CNGB3: variants seen among roughly 807,000 people sequenced by gnomAD.
The protein encoded by CNGB3 is cyclic nucleotide-gated channel beta-3.
Under a neutral mutation model 92.8 loss-of-function variants are expected in CNGB3, and 86 were observed. The ratio of observed to expected loss-of-function variants is 0.93; its 90% CI spans 0.78 to 1.11. CNGB3 has a LOEUF of 1.11. Ranked by LOEUF, CNGB3 falls within the 50% of genes least tolerant of loss-of-function variation. The pLI is 0.00. For missense variants in CNGB3, 1,026 were observed against 956.8 expected (o/e 1.07, Z -0.95); for synonymous variants, 333 against 332.7 (o/e 1.00, Z -0.01).
Position 86,575,665 on chromosome 8 carries a change from T to C in CNGB3, c.*139A>G. 4.5e-6 allele frequency: 3 copies of C among 661,434 alleles called. No individual in the cohort carries two copies. The highest frequency in any genetic ancestry group is 7.8e-6 in the Non-Finnish European group (3 of 383,210). 41.0% of individuals were successfully genotyped at this position (661,434 alleles called of 1,614,324 possible). A position where few individuals can be genotyped will look rare whatever the true frequency, so the allele number is the denominator to read the frequency against. On this transcript the variant is annotated 3_prime_UTR_variant, in exon 18 of 18. Coordinates refer to ENST00000320005, the MANE Select transcript of CNGB3 (RefSeq NM_019098.5). ...GCATGAAATCACACTCTCAGATAAG[T>C]CCTAGAAACTAAGCTAGGGATTTGC...
chr8:86,697,481 G>A (rs748509448), intron 3 of CNGB3, among the ~76,000 whole-genome samples: 7 of 151,870 alleles, frequency 4.6e-5, no homozygotes, highest in Non-Finnish European at 7.4e-5. Context: ...AAATTCAGTG[G>A]GCACAATTGT....
rs996919492 is a variant in CNGB3, at chr8:86,657,965, T to A, written c.853-3903A>T. 7.2e-6 allele frequency: 4 copies of A among 554,552 alleles called. No individual in the cohort carries two copies. The Admixed American group carries it at 7.7e-5, about 11-fold the overall frequency. 34.4% of individuals were successfully genotyped at this position (554,552 alleles called of 1,614,324 possible). A position where few individuals can be genotyped will look rare whatever the true frequency, so the allele number is the denominator to read the frequency against. On this transcript the variant is annotated intron_variant, in intron 6 of 17. Transcript: ENST00000320005. ...GCCTCCCCCTCACTGATGACGTCTGTCTCTCCAGACAGCTGGATGCAGCGA... is the reference window on the plus strand; with the variant it reads ...GCCTCCCCCTCACTGATGACGTCTGACTCTCCAGACAGCTGGATGCAGCGA...
chr8:86,611,391 G>A (rs1242729939), intron 14 of CNGB3, among the ~76,000 whole-genome samples, 197 bp downstream of exon 14: 1 of 152,132 alleles, frequency 6.6e-6, no homozygotes, highest in East Asian at 1.9e-4. Context: ...TATAATATAA[G>A]TAATGAAATC....
chr8:86,731,338 T>C (rs193097199), intron 2 of CNGB3, among the ~76,000 whole-genome samples: 2 of 152,154 alleles, frequency 1.3e-5, no homozygotes, highest in Non-Finnish European at 2.9e-5. Context: ...TTGCATGGGG[T>C]CAAAACTAAG....
intron 2 of CNGB3, among the ~76,000 whole-genome samples, chr8:86,730,067 A>G (rs1459957254): frequency 6.6e-6 from 1 of 152,188 alleles, no homozygotes; most frequent in Non-Finnish European, 1.5e-5. Flanking sequence ...TGTGCAAAAA[A>G]TAAGTAGAGT....
At chr8:86,715,320 AG>A (rs1422933939) in intron 3 of CNGB3, among the ~76,000 whole-genome samples, 3 of 152,152 alleles carry the variant, frequency 2.0e-5, no homozygotes, top group African/African-American at 7.2e-5. Context: ...CCACTGGAGC[AG>A]GTTTTGGTAT....
chr8:86,689,083 A>G (rs1474152679), intron 3 of CNGB3, among the ~76,000 whole-genome samples: 2 of 150,990 alleles, frequency 1.3e-5, no homozygotes, highest in African/African-American at 2.4e-5. Context: ...CCATGTGTGT[A>G]TAGTTTCCTC....
intron 3 of CNGB3, among the ~76,000 whole-genome samples, chr8:86,716,127 G>T (rs1824848935): frequency 6.6e-6 from 1 of 152,052 alleles, no homozygotes. Flanking sequence ...GCAGGAGAAA[G>T]AACTTCAGAG....
chr8:86,593,914 G>A, intron 15 of CNGB3: 1 of 586,246 alleles, frequency 1.7e-6, no homozygotes, highest in South Asian at 1.6e-5. Flanking sequence ...CACCGCCTGT[G>A]TGCCAGGGGC....
intron 3 of CNGB3, among the ~76,000 whole-genome samples, chr8:86,672,575 T>C (rs1412723570): frequency 6.6e-6 from 1 of 152,124 alleles, no homozygotes; most frequent in East Asian, 1.9e-4. Flanking sequence ...GCTCCATCCA[T>C]ACTCTTCTCA....
At chr8:86,615,933 G>A (rs1822611743) in intron 13 of CNGB3, among the ~76,000 whole-genome samples, 1 of 152,116 alleles carries the variant, frequency 6.6e-6, no homozygotes, top group African/African-American at 2.4e-5. Context: ...GAAAATAAGT[G>A]TCTCCCTTTG....
chr8:86,576,957 C>T (rs57356706), intron 17 of CNGB3, among the ~76,000 whole-genome samples: 6,049 of 152,250 alleles, frequency 0.04, 397 homozygotes, highest in African/African-American at 0.14. Flanking sequence ...ATGTGACTGA[C>T]TTTATAATAT....
rs188248987 is a variant in CNGB3 at position 86,651,808 on chromosome 8, G to A, written c.903+2204C>T. Among the ~76,000 whole-genome samples, 316 of 152,034 alleles carry A rather than the reference G, an allele frequency of 2.1e-3. 1 individual carries two copies. The highest frequency in any genetic ancestry group is 7.1e-3 in the African/African-American group (295 of 41,526). ...TGCAAAGCATGTTGGGGTTGAAATA[G>A]GAGTAAGATATTGTTTCTATTCACA... On this transcript the variant is annotated intron_variant, in intron 7 of 17. Transcript: ENST00000320005.
At chr8:86,652,479 C>T (rs1306344695) in intron 7 of CNGB3, among the ~76,000 whole-genome samples, 1 of 151,984 alleles carries the variant, frequency 6.6e-6, no homozygotes, top group Non-Finnish European at 1.5e-5. Context: ...AACTTTTTTA[C>T]TCTTTTGTAA....
chr8:86,643,649 T>G (rs939185987), intron 10 of CNGB3, 102 bp downstream of exon 10: 1 of 1,296,038 alleles, frequency 7.7e-7, no homozygotes, highest in African/African-American at 1.5e-5. Context: ...AGCCATTGAA[T>G]GGGTTATGAC....
chr8:86,665,914 G>T (rs898054881), intron 6 of CNGB3, among the ~76,000 whole-genome samples: 2 of 152,160 alleles, frequency 1.3e-5, no homozygotes, highest in South Asian at 4.1e-4. Context: ...AAAAAAAAGG[G>T]TCATGAAAGC....
chr8:86,581,413 A>G (rs1427928356), intron 15 of CNGB3, among the ~76,000 whole-genome samples: 4 of 152,198 alleles, frequency 2.6e-5, no homozygotes, highest in Admixed American at 6.5e-5. Flanking sequence ...CAGGAACCTC[A>G]TCAGGTTCTT....
intron 3 of CNGB3, among the ~76,000 whole-genome samples, chr8:86,709,789 A>C (rs1039547171): frequency 2.0e-5 from 3 of 152,196 alleles, no homozygotes; most frequent in South Asian, 4.1e-4. Context: ...TTTGAAAAAA[A>C]TTCCTATATT....
intron 3 of CNGB3, among the ~76,000 whole-genome samples, chr8:86,719,261 G>A (rs1225524443): frequency 6.6e-6 from 1 of 151,962 alleles, no homozygotes; most frequent in East Asian, 1.9e-4. Context: ...AATCTTATAG[G>A]AGGAAAACCC....
Sources: gnomAD v4.1 joint callset for allele counts (sites outside exome capture counted in the v4.1 genomes callset) on GRCh38, gnomAD v4.1.1 for gene constraint, MANE v1.5 for transcripts, NCBI Gene and HGNC (gene_info 2026-07-23, HGNC 2026-07-21) for gene names.